Variants in H2BN1 observed in about 807,000 individuals in gnomAD.
H2BN1 encodes histone H2B.N.
At chr17:32,905,329 G>T in the H2BN1 span, among the ~76,000 whole-genome samples, 1 of 152,184 alleles carries the variant, frequency 6.6e-6, no homozygotes, top group African/African-American at 2.4e-5. Context: ...TCTGGAGGGG[G>T]TGCTTGCAGA....
chr17:32,904,051 G>C, the H2BN1 span, among the ~76,000 whole-genome samples: 1 of 152,168 alleles, frequency 6.6e-6, no homozygotes, highest in Non-Finnish European at 1.5e-5. Context: ...TTTTATACGT[G>C]TTTCCTGGAT....
At chr17:32,897,538 A>G in the H2BN1 span, among the ~76,000 whole-genome samples, 1 of 152,242 alleles carries the variant, frequency 6.6e-6, no homozygotes, top group African/African-American at 2.4e-5. Flanking sequence ...AACATTAAAC[A>G]AGGACACTAA....
At chr17:32,899,095 C>G in the H2BN1 span, among the ~76,000 whole-genome samples, 35 of 152,050 alleles carry the variant, frequency 2.3e-4, no homozygotes, top group Admixed American at 5.2e-4. Context: ...ACAGGTGTAC[C>G]ATAGTTTTTG....
chr17:32,901,017 G>T, the H2BN1 span, among the ~76,000 whole-genome samples: 6,611 of 152,112 alleles, frequency 0.043, 229 homozygotes, highest in East Asian at 0.2. Flanking sequence ...AGACCAGCCT[G>T]GCCAACATGG....
At chr17:32,901,881 G>GC in the H2BN1 span, among the ~76,000 whole-genome samples, 637 of 151,536 alleles carry the variant, frequency 4.2e-3, 8 homozygotes, top group African/African-American at 0.015. Flanking sequence ...TTAACATCAA[G>GC]CCCAATTTCT....
the H2BN1 span, among the ~76,000 whole-genome samples, chr17:32,899,311 A>G: frequency 2.0e-5 from 3 of 152,270 alleles, no homozygotes; most frequent in Non-Finnish European, 4.4e-5. Flanking sequence ...AAGCCCAGTC[A>G]TGGATTTGTA....
chr17:32,895,849 C>T, the H2BN1 span, among the ~76,000 whole-genome samples: 83 of 152,194 alleles, frequency 5.5e-4, no homozygotes, highest in African/African-American at 1.9e-3. Flanking sequence ...ATGAATGTCT[C>T]TCTCGCTCTC....
the H2BN1 span, among the ~76,000 whole-genome samples, chr17:32,902,668 A>G: frequency 2.0e-5 from 3 of 152,088 alleles, no homozygotes; most frequent in African/African-American, 7.2e-5. Context: ...GTGAAACCCC[A>G]TCTTTACTAA....
the H2BN1 span, among the ~76,000 whole-genome samples, chr17:32,904,210 G>A: frequency 6.6e-6 from 1 of 152,180 alleles, no homozygotes; most frequent in Non-Finnish European, 1.5e-5. Flanking sequence ...TTTCTCTTCA[G>A]AGCTGAGAAA....
chr17:32,898,868 T>C, the H2BN1 span, among the ~76,000 whole-genome samples: 1 of 152,230 alleles, frequency 6.6e-6, no homozygotes, highest in African/African-American at 2.4e-5. Context: ...TAGGTTGCTA[T>C]TATTTTCTTC....
chr17:32,898,880 G>A, the H2BN1 span, among the ~76,000 whole-genome samples: 2 of 152,200 alleles, frequency 1.3e-5, no homozygotes, highest in Non-Finnish European at 2.9e-5. Context: ...ATTTTCTTCT[G>A]AAGTTTAAGT....
chr17:32,900,075 C>A, the H2BN1 span, among the ~76,000 whole-genome samples: 70 of 152,306 alleles, frequency 4.6e-4, no homozygotes, highest in African/African-American at 1.6e-3. Context: ...AGCTGACATA[C>A]AATTGACAAG....
the H2BN1 span, among the ~76,000 whole-genome samples, chr17:32,899,434 T>C: frequency 3.9e-4 from 59 of 152,310 alleles, no homozygotes; most frequent in Non-Finnish European, 2.8e-4. Flanking sequence ...TAAGTCAGCC[T>C]GGCTGAAGAC....
At chr17:32,896,440 C>T in the H2BN1 span, among the ~76,000 whole-genome samples, 9 of 152,134 alleles carry the variant, frequency 5.9e-5, no homozygotes, top group African/African-American at 2.2e-4. Context: ...AAATCTTCCC[C>T]CTCAAAAGCT....
the H2BN1 span, among the ~76,000 whole-genome samples, chr17:32,904,195 T>C: frequency 6.6e-6 from 1 of 152,176 alleles, no homozygotes; most frequent in Non-Finnish European, 1.5e-5. Flanking sequence ...GAGGAGCAAA[T>C]GCCCTTTCTC....
chr17:32,897,399 A>G, the H2BN1 span, among the ~76,000 whole-genome samples: 1 of 149,184 alleles, frequency 6.7e-6, no homozygotes, highest in African/African-American at 2.5e-5. Flanking sequence ...ACACACAGCA[A>G]CAAGAAGCTG....
At chr17:32,896,543 G>A in the H2BN1 span, among the ~76,000 whole-genome samples, 1 of 152,156 alleles carries the variant, frequency 6.6e-6, no homozygotes, top group Non-Finnish European at 1.5e-5. Context: ...GTTCACGTGT[G>A]TCATACCACA....
the H2BN1 span, among the ~76,000 whole-genome samples, chr17:32,901,303 C>A: frequency 6.6e-6 from 1 of 151,900 alleles, no homozygotes; most frequent in Non-Finnish European, 1.5e-5. Flanking sequence ...TTCAAAAAAA[C>A]CTTGTTAATC....
At chr17:32,899,475 G>T in the H2BN1 span, among the ~76,000 whole-genome samples, 4,742 of 152,234 alleles carry the variant, frequency 0.031, 251 homozygotes, top group African/African-American at 0.11. Flanking sequence ...CAAGGTATGA[G>T]GCCAGTTTTC....
Sources: gnomAD v4.1 joint callset for allele counts (sites outside exome capture counted in the v4.1 genomes callset) on GRCh38, gnomAD v4.1.1 for gene constraint, MANE v1.5 for transcripts, NCBI Gene and HGNC (gene_info 2026-07-23, HGNC 2026-07-21) for gene names.